LIN9: variants seen among roughly 807,000 people sequenced by gnomAD.
LIN9 encodes the protein protein lin-9 homolog.
LIN9 carries 18 observed loss-of-function variants against 78.0 expected under a neutral mutation model. The ratio of observed to expected loss-of-function variants is 0.23; its 90% CI spans 0.16 to 0.34. The LOEUF (loss-of-function observed/expected upper bound fraction) is 0.34. LIN9 is among the 10% of genes least tolerant of loss of function. LIN9 has a pLI of 1.00. For synonymous variants in LIN9, 192 were observed against 215.2 expected (o/e 0.89, Z 0.94); for missense variants, 451 against 644.1 (o/e 0.70, Z 3.25).
At chr1:226,293,992 T>C (rs1260127611) in intron 4 of LIN9, among the ~76,000 whole-genome samples, 1 of 152,178 alleles carries the variant, frequency 6.6e-6, no homozygotes, top group Admixed American at 6.5e-5. Context: ...AGATTGCTGG[T>C]CATGCTTTTA....
At chr1:226,291,916 GA>G (rs1027755778) in intron 4 of LIN9, among the ~76,000 whole-genome samples, 18 of 131,544 alleles carry the variant, frequency 1.4e-4, no homozygotes, top group South Asian at 2.4e-4. Flanking sequence ...ATTCTCAGGA[GA>G]AAAAAAAAAA....
intron 10 of LIN9, among the ~76,000 whole-genome samples, chr1:226,254,910 C>CAAAA (rs78061206): frequency 3.9e-5 from 2 of 50,716 alleles, no homozygotes; most frequent in African/African-American, 1.4e-4. Context: ...GACTCTGTCT[C>CAAAA]AAAAAAAAAA....
intron 12 of LIN9, among the ~76,000 whole-genome samples, chr1:226,237,007 T>C (rs910301040): frequency 6.6e-6 from 1 of 152,236 alleles, no homozygotes; most frequent in Non-Finnish European, 1.5e-5. Flanking sequence ...TTGGTATATA[T>C]TGAGAAGTAG....
intron 7 of LIN9, among the ~76,000 whole-genome samples, chr1:226,270,933 A>C (rs917582197): frequency 7.9e-6 from 1 of 126,744 alleles, no homozygotes; most frequent in Non-Finnish European, 1.7e-5. Context: ...AATCTTTTTT[A>C]TTTCTTTTCC....
intron 4 of LIN9, among the ~76,000 whole-genome samples, chr1:226,288,183 G>A (rs1661494295): frequency 6.6e-6 from 1 of 152,114 alleles, no homozygotes; most frequent in African/African-American, 2.4e-5. Flanking sequence ...TGTTGGCCAG[G>A]CTGGTCTCAA....
chr1:226,237,968 A>G lies in LIN9; in HGVS notation c.1245+1003T>C, dbSNP rs796517351. Among the ~76,000 whole-genome samples, 15 of 144,226 alleles carry G rather than the reference A, an allele frequency of 1.0e-4. No individual in the cohort carries two copies. In the East Asian group the frequency reaches 2.8e-3, roughly 27 times the overall value. The allele number at this position is 144,226 out of a possible 152,430, so 94.6% of individuals were successfully genotyped here. ...ACTCTGTCTCAAAAAAAAAAAAAAAAGAATCTGATATCACAAATAGAGGTG... is the reference window on the plus strand; with the variant it reads ...ACTCTGTCTCAAAAAAAAAAAAAAAGGAATCTGATATCACAAATAGAGGTG... On this transcript the variant is annotated intron_variant, in intron 12 of 14. Coordinates refer to ENST00000681046, the MANE Select transcript of LIN9 (RefSeq NM_001366245.2).
At chr1:226,262,849 C>T (rs1659678772) in intron 10 of LIN9, among the ~76,000 whole-genome samples, 1 of 152,144 alleles carries the variant, frequency 6.6e-6, no homozygotes, top group Non-Finnish European at 1.5e-5. Flanking sequence ...GTTTATGGCA[C>T]CTTTATTCAT....
intron 7 of LIN9, among the ~76,000 whole-genome samples, chr1:226,276,746 T>A (rs1036346662): frequency 1.3e-5 from 2 of 152,168 alleles, no homozygotes; most frequent in African/African-American, 4.8e-5. Context: ...CTTAACTCCT[T>A]ATTTCTTGTA....
chr1:226,302,465 C>G (rs1462198163), intron 1 of LIN9, among the ~76,000 whole-genome samples: 2 of 151,830 alleles, frequency 1.3e-5, no homozygotes, highest in African/African-American at 4.8e-5. Flanking sequence ...ATGGCGTGAG[C>G]CCACAAGGCA....
chr1:226,299,466 C>T (rs1662374146), intron 2 of LIN9, among the ~76,000 whole-genome samples: 2 of 141,354 alleles, frequency 1.4e-5, no homozygotes, highest in South Asian at 4.8e-4. Flanking sequence ...TATTGTGCCA[C>T]TGCACTCCAG....
chr1:226,306,050 C>G (rs533728875), intron 1 of LIN9, among the ~76,000 whole-genome samples: 1 of 152,042 alleles, frequency 6.6e-6, no homozygotes, highest in Non-Finnish European at 1.5e-5. Context: ...TGGCTGGGGG[C>G]GCGGTGGCTC....
intron 7 of LIN9, among the ~76,000 whole-genome samples, chr1:226,275,531 T>C (rs776061467): frequency 2.0e-5 from 3 of 150,712 alleles, no homozygotes; most frequent in Non-Finnish European, 4.4e-5. Context: ...CCGTCTCTAC[T>C]AAAAATACAA....
At chr1:226,285,251 CAA>C (rs1661322473) in intron 6 of LIN9, among the ~76,000 whole-genome samples, 1 of 151,938 alleles carries the variant, frequency 6.6e-6, no homozygotes, top group African/African-American at 2.4e-5. Context: ...AAAATGATAG[CAA>C]AAAGTCACCA....
Position 226,271,990 on chromosome 1 carries a change from ACT to A in LIN9, c.683-3902_683-3901del, listed in dbSNP as rs548076606. Among the ~76,000 whole-genome samples, 270 of 145,670 alleles carry A rather than the reference ACT, an allele frequency of 1.9e-3. 1 individual carries two copies. Among genetic ancestry groups the A allele is most frequent in the African/African-American group, 6.6e-3 (262 of 39,478 alleles). Reference sequence around the variant, plus strand: ...GTCTATGATTTTATATTTAAGTATAACTCTTGAAGACAGCATATAGATGAGTC... The same window carrying A: ...GTCTATGATTTTATATTTAAGTATAACTTGAAGACAGCATATAGATGAGTC... On this transcript the variant is annotated intron_variant, in intron 7 of 14. Coordinates refer to ENST00000681046, the MANE Select transcript of LIN9 (RefSeq NM_001366245.2).
intron 7 of LIN9, among the ~76,000 whole-genome samples, chr1:226,271,068 T>C (rs1016537895): frequency 6.6e-6 from 1 of 152,176 alleles, no homozygotes; most frequent in Non-Finnish European, 1.5e-5. Context: ...GATTTTAATA[T>C]CTTTTTTAAC....
At chr1:226,247,238 CTCTTT>C (rs1431978537) in intron 11 of LIN9, among the ~76,000 whole-genome samples, 3 of 152,070 alleles carry the variant, frequency 2.0e-5, no homozygotes, top group Non-Finnish European at 4.4e-5. Flanking sequence ...TTTGTCTCAT[CTCTTT>C]TAACAAATTA....
chr1:226,233,904 C>T (rs1382698353), intron 12 of LIN9, among the ~76,000 whole-genome samples: 2 of 152,160 alleles, frequency 1.3e-5, no homozygotes, highest in Non-Finnish European at 2.9e-5. Context: ...CTAATCACTC[C>T]AGTTTGTATT....
intron 6 of LIN9, among the ~76,000 whole-genome samples, chr1:226,282,537 T>TCG (rs957505422): frequency 1.3e-5 from 2 of 152,124 alleles, no homozygotes; most frequent in African/African-American, 4.8e-5. Flanking sequence ...AAGCAGTATC[T>TCG]CGGCCGGGCG....
At chr1:226,256,931 G>A (rs1659236980) in intron 10 of LIN9, among the ~76,000 whole-genome samples, 1 of 151,826 alleles carries the variant, frequency 6.6e-6, no homozygotes. Flanking sequence ...TCTGTCGCCA[G>A]TAGGACTGCC....
Sources: allele counts gnomAD v4.1 joint callset (sites outside exome capture counted in the v4.1 genomes callset), GRCh38; gene constraint gnomAD v4.1.1; transcripts MANE v1.5; gene names NCBI Gene and HGNC (gene_info 2026-07-23, HGNC 2026-07-21).